LCP2: variants seen among roughly 807,000 people sequenced by gnomAD.
LCP2 encodes the protein 76 kDa tyrosine phosphoprotein.
LCP2 carries 29 observed loss-of-function variants against 74.5 expected under a neutral mutation model. The observed-to-expected ratio is 0.39, with a 90% CI of 0.29 to 0.53. LCP2 has a LOEUF of 0.53. LCP2 is among the 20% of genes least tolerant of loss of function. LCP2 has a pLI of 0.72. For missense variants in LCP2, 604 were observed against 634.6 expected (o/e 0.95, Z 0.52); for synonymous variants, 228 against 229.5 (o/e 0.99, Z 0.06).
chr5:170,260,771 A>C (rs956716246), intron 14 of LCP2, among the ~76,000 whole-genome samples: 1 of 152,246 alleles, frequency 6.6e-6, no homozygotes, highest in East Asian at 1.9e-4. Flanking sequence ...AGCCTTGGAA[A>C]TTTAGGCATG....
intron 17 of LCP2, among the ~76,000 whole-genome samples, chr5:170,254,746 C>T (rs1025112883): frequency 1.3e-5 from 2 of 152,174 alleles, no homozygotes; most frequent in Non-Finnish European, 2.9e-5. Context: ...ACCTGCAGGC[C>T]AGCATCATAG....
intron 3 of LCP2, among the ~76,000 whole-genome samples, chr5:170,283,048 G>T (rs1329586154): frequency 6.6e-6 from 1 of 152,202 alleles, no homozygotes; most frequent in African/African-American, 2.4e-5. Flanking sequence ...ATACATTTCT[G>T]CCAAGAGGGA....
intron 14 of LCP2, 129 bp from the exon 15 acceptor site, chr5:170,259,007 C>T: frequency 3.2e-6 from 2 of 632,996 alleles, no homozygotes; most frequent in Non-Finnish European, 2.8e-6. Flanking sequence ...TATACATCTT[C>T]ATAATAAATA....
Position 170,295,156 on chromosome 5 carries a change from C to T in LCP2, c.79-1784G>A, listed in dbSNP as rs138761542. Among the ~76,000 whole-genome samples, 390 of 152,306 alleles carry T rather than the reference C, an allele frequency of 2.6e-3. 1 individual carries two copies. Among genetic ancestry groups the T allele is most frequent in the African/African-American group, 8.1e-3 (335 of 41,562 alleles). On this transcript the variant is annotated intron_variant, in intron 1 of 20. Transcript: ENST00000046794. The stretch of plus-strand genomic sequence containing the variant: ...TCTGAGCCAGTGCCTCTCCACTGCA[C>T]GACCCAAGGATGTTCTCCTGCAAGT...
intron 17 of LCP2, among the ~76,000 whole-genome samples, chr5:170,255,352 C>T (rs1309845105): frequency 6.6e-6 from 1 of 152,202 alleles, no homozygotes; most frequent in African/African-American, 2.4e-5. Context: ...TGTTGATTCT[C>T]AGGCTATCAA....
At chr5:170,277,374 C>G (rs1451488511) in intron 3 of LCP2, among the ~76,000 whole-genome samples, 1 of 152,176 alleles carries the variant, frequency 6.6e-6, no homozygotes, top group Non-Finnish European at 1.5e-5. Flanking sequence ...GCTAAGTTAG[C>G]AAAGGAAGTC....
intron 14 of LCP2, among the ~76,000 whole-genome samples, chr5:170,259,539 A>G (rs145039553): frequency 1.3e-5 from 2 of 152,338 alleles, no homozygotes; most frequent in East Asian, 3.9e-4. Flanking sequence ...AGAAAAAATG[A>G]TGTTGCCACC....
intron 3 of LCP2, among the ~76,000 whole-genome samples, chr5:170,285,502 G>C (rs564983864): frequency 6.6e-6 from 1 of 152,312 alleles, no homozygotes; most frequent in South Asian, 2.1e-4. Context: ...GTTTTGTTCT[G>C]AGATGCAGTT....
intron 5 of LCP2, 43 bp downstream of exon 5, chr5:170,275,277 A>G (rs760017104): frequency 5.6e-6 from 9 of 1,609,794 alleles, no homozygotes; most frequent in South Asian, 3.3e-5. Flanking sequence ...TGAAATACCT[A>G]TCACCTCCTA....
chr5:170,282,218 A>G (rs982059745), intron 3 of LCP2, among the ~76,000 whole-genome samples: 1 of 152,248 alleles, frequency 6.6e-6, no homozygotes, highest in Non-Finnish European at 1.5e-5. Flanking sequence ...GGAAGGAAAT[A>G]GAGACATTCA....
At chr5:170,277,276 CT>C (rs1405849252) in intron 3 of LCP2, among the ~76,000 whole-genome samples, 1 of 152,128 alleles carries the variant, frequency 6.6e-6, no homozygotes, top group Non-Finnish European at 1.5e-5. Flanking sequence ...TGTTGAGTCC[CT>C]GGCCTGCCTA....
At position 170,246,709 on chromosome 5, in the gene LCP2, C is replaced by T. The variant is rs559903067; in HGVS notation, c.*1988G>A. 1 of 152,568 alleles carries T rather than the reference C, an allele frequency of 6.6e-6. No individual in the cohort carries two copies. The highest frequency in any genetic ancestry group is 1.5e-5 in the Non-Finnish European group (1 of 68,388). The allele number at this position is 152,568 out of a possible 1,614,324, so 9.5% of individuals were successfully genotyped here. A position where few individuals can be genotyped will look rare whatever the true frequency, so the allele number is the denominator to read the frequency against. ...TGTCTCAGGCTTCATGTTTAACATTCCAGAGAGTGACCCTGATTGACCCAG... is the reference window on the plus strand; with the variant it reads ...TGTCTCAGGCTTCATGTTTAACATTTCAGAGAGTGACCCTGATTGACCCAG... On this transcript the variant is annotated 3_prime_UTR_variant, in exon 21 of 21. Coordinates refer to ENST00000046794, the MANE Select transcript of LCP2 (RefSeq NM_005565.5).
chr5:170,253,112 C>T lies in LCP2; in HGVS notation c.1245+7G>A. On this transcript the variant is annotated splice_region_variant and intron_variant, in intron 18 of 20. Transcript: ENST00000046794. ...AAACAAACAAAAATAAAAACATGCT[C>T]TCTTACCTCTTCCTCCGCGGGGGAT... is the stretch of plus-strand genomic sequence containing the variant. The T allele has an allele frequency of 6.3e-7, 1 of 1,590,238 alleles. No individual in the cohort carries two copies. Among genetic ancestry groups the T allele is most frequent in the Non-Finnish European group, 8.6e-7 (1 of 1,162,362 alleles).
rs1387225097 is a variant in LCP2, at chr5:170,293,315, A to G, written c.136T>C (p.Phe46Leu). Reference sequence around the variant, plus strand: ...TTGGACTAGCCAGAGCTTACCAAGAAGCGAGCCCCATCGATGTGGTACTTC... The same window carrying G: ...TTGGACTAGCCAGAGCTTACCAAGAGGCGAGCCCCATCGATGTGGTACTTC... Reference protein sequence around the residue: ...VKKYHIDGARFLNLTENDIQK... With the variant: ...VKKYHIDGARLLNLTENDIQK... The change falls in exon 2 of 21, where the codon TTC becomes CTC. Residue 46 changes from phenylalanine (F) to leucine (L), a missense_variant. By Grantham distance (22) the Phe-to-Leu change is conservative. Coordinates refer to ENST00000046794, the MANE Select transcript of LCP2 (RefSeq NM_005565.5). 6.2e-7 allele frequency: 1 copy of G among 1,607,818 alleles called. No individual in the cohort carries two copies. Among genetic ancestry groups the G allele is most frequent in the Non-Finnish European group, 8.5e-7 (1 of 1,177,076 alleles).
rs1424512933 is a variant in LCP2 at position 170,252,422 on chromosome 5, A to G, written c.1323+12T>C. Reference sequence around the variant, plus strand: ...ATTTACAACTATGTTAAAATAAACTATAGCACAATACCTGGTTTATCTTTC... The same window carrying G: ...ATTTACAACTATGTTAAAATAAACTGTAGCACAATACCTGGTTTATCTTTC... On this transcript the variant is annotated intron_variant, in intron 19 of 20. Coordinates refer to ENST00000046794, the MANE Select transcript of LCP2 (RefSeq NM_005565.5). 1.3e-6 allele frequency: 2 copies of G among 1,484,904 alleles called. No individual in the cohort carries two copies. The highest frequency in any genetic ancestry group is 1.2e-5 in the South Asian group (1 of 85,192). The allele number at this position is 1,484,904 out of a possible 1,614,324, so 92.0% of individuals were successfully genotyped here.
At position 170,247,043 on chromosome 5, in the gene LCP2, T is replaced by C. The variant is rs1304579282; in HGVS notation, c.*1654A>G. On this transcript the variant is annotated 3_prime_UTR_variant, in exon 21 of 21. Transcript: ENST00000046794. Reference sequence around the variant, plus strand: ...CTTTGAAATCTATCAGGTCCTTCATTTTAGATATTTTTGAATTGTAAAGAT... The same window carrying C: ...CTTTGAAATCTATCAGGTCCTTCATCTTAGATATTTTTGAATTGTAAAGAT... 6.6e-6 allele frequency: 1 copy of C among 152,166 alleles called. No homozygotes were observed. Among genetic ancestry groups the C allele is most frequent in the Non-Finnish European group, 1.5e-5 (1 of 68,012 alleles). The allele number at this position is 152,166 out of a possible 1,614,324, so 9.4% of individuals were successfully genotyped here.
intron 3 of LCP2, among the ~76,000 whole-genome samples, chr5:170,280,498 G>A (rs140840102): frequency 3.5e-4 from 54 of 152,260 alleles, no homozygotes; most frequent in African/African-American, 1.3e-3. Flanking sequence ...GCCGGGGGCA[G>A]CCAGATGTTT....
chr5:170,262,857 G>A lies in LCP2; in HGVS notation c.803C>T (p.Ser268Leu), dbSNP rs201786815. ...GKKPPFSDKP[S>L]IPAGRSLGEH... is the part of the protein sequence containing the mutation. ...ACAGTCTTACCTTCCCGCTGGAATC[G>A]AGGGCTGCAAGACAGGAGGAAAAAT... The change falls in exon 12 of 21, where the codon TCG becomes TTG. Residue 268 changes from serine (S) to leucine (L), a missense_variant. Transcript: ENST00000046794. 7.7e-5 allele frequency: 125 copies of A among 1,614,032 alleles called. No individual in the cohort carries two copies. In the African/African-American group the frequency reaches 1.3e-3, roughly 16 times the overall value.
intron 19 of LCP2, chr5:170,251,686 T>A: frequency 2.2e-6 from 1 of 455,990 alleles, no homozygotes; most frequent in South Asian, 1.5e-5. Flanking sequence ...TAAACAAACA[T>A]ACTTCTGGAC....
Sources: allele counts gnomAD v4.1 joint callset (sites outside exome capture counted in the v4.1 genomes callset), GRCh38; gene constraint gnomAD v4.1.1; transcripts MANE v1.5; gene names NCBI Gene and HGNC (gene_info 2026-07-23, HGNC 2026-07-21).